The following HEMK2 variants were observed in gnomAD, a reference collection of about 807,000 sequenced individuals.
HEMK2 encodes the protein HemK methyltransferase 2, ETF1 glutamine and histone H4 lysine.
chr21:28,581,764 T>C, the HEMK2 span, among the ~76,000 whole-genome samples: 1 of 152,170 alleles, frequency 6.6e-6, no homozygotes, highest in Non-Finnish European at 1.5e-5. Context: ...AAAAACTAGG[T>C]TGGTTTAAAG....
chr21:28,730,050 T>C, the HEMK2 span, among the ~76,000 whole-genome samples: 1 of 152,020 alleles, frequency 6.6e-6, no homozygotes, highest in African/African-American at 2.4e-5. Context: ...ATCTATTGCT[T>C]TGTAACAAAA....
the HEMK2 span, among the ~76,000 whole-genome samples, chr21:28,866,647 T>C: frequency 1.6e-4 from 24 of 151,748 alleles, no homozygotes; most frequent in Non-Finnish European, 2.5e-4. Context: ...GCATGAGAAT[T>C]GCTTGAAACC....
chr21:28,859,672 G>C, the HEMK2 span, among the ~76,000 whole-genome samples: 1 of 152,096 alleles, frequency 6.6e-6, no homozygotes, highest in Non-Finnish European at 1.5e-5. Context: ...TAGTTATGGG[G>C]ACCTCAGGTG....
chr21:28,789,895 C>T, the HEMK2 span, among the ~76,000 whole-genome samples: 3 of 152,162 alleles, frequency 2.0e-5, no homozygotes, highest in South Asian at 6.2e-4. Flanking sequence ...CTCACTCACT[C>T]ATAGAAAACA....
the HEMK2 span, chr21:28,872,322 C>T: frequency 6.6e-6 from 1 of 152,186 alleles, no homozygotes; most frequent in Non-Finnish European, 1.5e-5. Context: ...CGGCTTCTCC[C>T]CTGCATAAGG....
the HEMK2 span, among the ~76,000 whole-genome samples, chr21:28,813,396 G>C: frequency 6.6e-6 from 1 of 151,686 alleles, no homozygotes; most frequent in East Asian, 1.9e-4. Context: ...AACTTACAAG[G>C]GATGTGAACC....
the HEMK2 span, among the ~76,000 whole-genome samples, chr21:28,730,919 C>T: frequency 1.3e-5 from 2 of 152,004 alleles, no homozygotes; most frequent in African/African-American, 2.4e-5. Flanking sequence ...CCCACCGTGA[C>T]AGACAAGTCA....
chr21:28,840,460 A>G, the HEMK2 span, among the ~76,000 whole-genome samples: 3 of 152,190 alleles, frequency 2.0e-5, no homozygotes, highest in Admixed American at 2.0e-4. Context: ...TTCACAATCG[A>G]TACATCTGAC....
At chr21:28,668,104 CA>C in the HEMK2 span, among the ~76,000 whole-genome samples, 1 of 152,114 alleles carries the variant, frequency 6.6e-6, no homozygotes, top group Non-Finnish European at 1.5e-5. Context: ...TCCCCCTTTT[CA>C]GCATTTTCAA....
the HEMK2 span, among the ~76,000 whole-genome samples, chr21:28,765,229 G>A: frequency 3.3e-5 from 5 of 152,066 alleles, no homozygotes; most frequent in African/African-American, 1.2e-4. Context: ...ACGACCACAT[G>A]AGCTTGGAAG....
At chr21:28,675,961 C>T in the HEMK2 span, among the ~76,000 whole-genome samples, 1 of 152,182 alleles carries the variant, frequency 6.6e-6, no homozygotes, top group Non-Finnish European at 1.5e-5. Flanking sequence ...GCAAGTCCAG[C>T]TGGGCATTAC....
the HEMK2 span, among the ~76,000 whole-genome samples, chr21:28,642,643 A>G: frequency 1.3e-5 from 2 of 152,186 alleles, no homozygotes; most frequent in African/African-American, 2.4e-5. Flanking sequence ...ATGAATGCGG[A>G]AGACTTTACT....
the HEMK2 span, among the ~76,000 whole-genome samples, chr21:28,863,410 T>TTTTA: frequency 1.3e-3 from 51 of 38,986 alleles, 7 homozygotes; most frequent in East Asian, 1.0e-2. Flanking sequence ...AAACTCCCTT[T>TTTTA]TATATATATA....
chr21:28,673,585 T>C, the HEMK2 span, among the ~76,000 whole-genome samples: 3 of 115,434 alleles, frequency 2.6e-5, no homozygotes, highest in Non-Finnish European at 5.2e-5. Context: ...TAATCAACAA[T>C]GTCCTTCAAG....
chr21:28,814,201 C>T, the HEMK2 span, among the ~76,000 whole-genome samples: 1 of 152,142 alleles, frequency 6.6e-6, no homozygotes, highest in East Asian at 1.9e-4. Flanking sequence ...CATGCCACTG[C>T]ACTCTAGCCT....
the HEMK2 span, among the ~76,000 whole-genome samples, chr21:28,640,644 C>G: frequency 6.6e-6 from 1 of 152,206 alleles, no homozygotes; most frequent in Admixed American, 6.5e-5. Flanking sequence ...ACAACTACTA[C>G]TACCACTGAG....
At chr21:28,680,803 T>C in the HEMK2 span, among the ~76,000 whole-genome samples, 56 of 152,136 alleles carry the variant, frequency 3.7e-4, no homozygotes, top group Non-Finnish European at 6.8e-4. Context: ...ACAAAAACCA[T>C]ACGATTATCT....
At chr21:28,763,369 T>C in the HEMK2 span, among the ~76,000 whole-genome samples, 62 of 152,216 alleles carry the variant, frequency 4.1e-4, no homozygotes, top group African/African-American at 1.4e-3. Flanking sequence ...AAGCATGTCA[T>C]ATGGTGAGAG....
At chr21:28,752,306 A>G in the HEMK2 span, among the ~76,000 whole-genome samples, 1 of 152,188 alleles carries the variant, frequency 6.6e-6, no homozygotes, top group African/African-American at 2.4e-5. Context: ...GAGTGAATCA[A>G]CTGATCCCAG....
Sources: gnomAD v4.1 joint callset for allele counts (sites outside exome capture counted in the v4.1 genomes callset) on GRCh38, gnomAD v4.1.1 for gene constraint, MANE v1.5 for transcripts, NCBI Gene and HGNC (gene_info 2026-07-23, HGNC 2026-07-21) for gene names.